DOCK8: variants seen among roughly 807,000 people sequenced by gnomAD.
The protein encoded by DOCK8 is dedicator of cytokinesis protein 8.
A neutral mutation model predicts 245.6 loss-of-function variants in DOCK8; 141 were observed. That is an observed-to-expected ratio of 0.57 (90% CI 0.50 to 0.66). The LOEUF is 0.66. Among genes scored for constraint, DOCK8 ranks in the 30% least tolerant of loss-of-function variants. DOCK8 has a pLI of 0.00. For synonymous variants in DOCK8, 1,168 were observed against 970.2 expected (o/e 1.20, Z -3.79); for missense variants, 2,965 against 2,603.4 (o/e 1.14, Z -3.02).
chr9:449,920 T>C lies in DOCK8; in HGVS notation c.5954T>C (p.Val1985Ala). 6.2e-7 allele frequency: 1 copy of C among 1,613,842 alleles called. No individual in the cohort carries two copies. Among genetic ancestry groups the C allele is most frequent in the Non-Finnish European group, 8.5e-7 (1 of 1,180,014 alleles). The change falls in exon 45 of 48, where the codon GTA becomes GCA. Residue 1985 changes from valine to alanine, a missense_variant. Val to Ala is a moderately conservative substitution (Grantham distance 64). Around this residue, in one of 3 missense-constraint regions of DOCK8, gnomAD observed 6 missense variants for 21.8 expected, o/e 0.28. Coordinates refer to ENST00000432829, the MANE Select transcript of DOCK8 (RefSeq NM_203447.4). ...CTGCAAGGCTCTGTGGGAGCTACTG[T>C]AAATCAGGTAAGCAAAACCAGAGGT... ...MVLQGSVGAT[V>A]NQGPLEVAQV...
At chr9:375,595 A>G (rs984363113) in intron 18 of DOCK8, among the ~76,000 whole-genome samples, 2 of 152,210 alleles carry the variant, frequency 1.3e-5, no homozygotes, top group African/African-American at 4.8e-5. Context: ...AGAATCATCA[A>G]TGCTGGTTTG....
chr9:432,550 G>C (rs1249866015), intron 37 of DOCK8, among the ~76,000 whole-genome samples: 2 of 152,138 alleles, frequency 1.3e-5, no homozygotes, highest in Admixed American at 6.5e-5. Flanking sequence ...GGAGTGCTCA[G>C]TCTCAAAACA....
intron 1 of DOCK8, among the ~76,000 whole-genome samples, chr9:245,227 T>G (rs1194156877): frequency 6.6e-6 from 1 of 152,102 alleles, no homozygotes; most frequent in Non-Finnish European, 1.5e-5. Context: ...TTTTTTGAGA[T>G]GAAGTCTCAC....
intron 24 of DOCK8, among the ~76,000 whole-genome samples, chr9:391,821 CTTTTTTT>C (rs373810616): frequency 0.011 from 1,302 of 116,272 alleles, 31 homozygotes; most frequent in African/African-American, 0.038. Flanking sequence ...TTAAGTGAAT[CTTTTTTT>C]TTTTTTTTTT....
intron 18 of DOCK8, among the ~76,000 whole-genome samples, chr9:373,883 T>C (rs9696488): frequency 0.38 from 57,138 of 151,992 alleles, 13,174 homozygotes; most frequent in African/African-American, 0.65. Context: ...ACCACCTTCT[T>C]ATCATCAAGT....
chr9:393,731 G>T (rs1475495516), intron 24 of DOCK8, among the ~76,000 whole-genome samples: 3 of 152,202 alleles, frequency 2.0e-5, no homozygotes, highest in Non-Finnish European at 2.9e-5. Flanking sequence ...TATTGCAGGG[G>T]TTTGTCAACA....
chr9:303,666 G>A (rs561981616), intron 4 of DOCK8, among the ~76,000 whole-genome samples: 1 of 152,312 alleles, frequency 6.6e-6, no homozygotes, highest in African/African-American at 2.4e-5. Context: ...GCAGGTGTGG[G>A]TTGAAAAACT....
Position 245,033 on chromosome 9 carries a change from A to G in DOCK8, c.54-26594A>G, listed in dbSNP as rs10122726. 5.8e-3 allele frequency among the ~76,000 whole-genome samples: 883 copies of G among 151,946 alleles called. 5 individuals are homozygous for G. Among genetic ancestry groups the G allele is most frequent in the African/African-American group, 0.02 (821 of 41,416 alleles). On this transcript the variant is annotated intron_variant, in intron 1 of 47. Transcript: ENST00000432829. ...CCACTTGTTTTTCCCACATCAGGAG[A>G]GTTTATCATCTGTGCTCATCCACCT...
intron 10 of DOCK8, 37 bp from the exon 11 acceptor site, chr9:334,188 T>TG: frequency 6.2e-7 from 1 of 1,613,644 alleles, no homozygotes; most frequent in Non-Finnish European, 8.5e-7. Context: ...TTGGTGCTGA[T>TG]GCTTGTTTCA....
chr9:230,272 A>G (rs113491695), intron 1 of DOCK8, among the ~76,000 whole-genome samples: 3 of 148,934 alleles, frequency 2.0e-5, no homozygotes, highest in African/African-American at 5.1e-5. Flanking sequence ...CACGGTGTAT[A>G]TGTGCCACAT....
At chr9:375,548 T>C (rs1229157920) in intron 18 of DOCK8, among the ~76,000 whole-genome samples, 1 of 152,182 alleles carries the variant, frequency 6.6e-6, no homozygotes, top group Non-Finnish European at 1.5e-5. Context: ...AATGGGGAAA[T>C]TGCTGGGATC....
intron 2 of DOCK8, among the ~76,000 whole-genome samples, chr9:273,921 G>C (rs2048240079): frequency 6.6e-6 from 1 of 152,068 alleles, no homozygotes; most frequent in African/African-American, 2.4e-5. Context: ...GGTAGGGCTG[G>C]TCTCTAACTC....
intron 1 of DOCK8, among the ~76,000 whole-genome samples, chr9:231,258 T>C (rs2047110104): frequency 6.6e-6 from 1 of 152,200 alleles, no homozygotes; most frequent in African/African-American, 2.4e-5. Flanking sequence ...TCCATTGGTC[T>C]GTATCTCTGT....
At chr9:291,758 T>C (rs576235314) in intron 4 of DOCK8, among the ~76,000 whole-genome samples, 1 of 151,540 alleles carries the variant, frequency 6.6e-6, no homozygotes, top group Non-Finnish European at 1.5e-5. Context: ...ATTTAAAGAT[T>C]TGGAATACTA....
chr9:365,937 A>T (rs942333768), intron 14 of DOCK8: 3 of 267,058 alleles, frequency 1.1e-5, no homozygotes, highest in Non-Finnish European at 2.2e-5. Context: ...TCAGTGGCTC[A>T]GTCTTACCGA....
intron 40 of DOCK8, among the ~76,000 whole-genome samples, 189 bp from the exon 41 acceptor site, chr9:441,097 G>A (rs1564072545): frequency 1.3e-5 from 2 of 152,046 alleles, no homozygotes; most frequent in Admixed American, 1.3e-4. Context: ...TACTTAGCGA[G>A]GTGTCTAGTT....
At chr9:317,593 A>G (rs1176089821) in intron 7 of DOCK8, among the ~76,000 whole-genome samples, 1 of 152,166 alleles carries the variant, frequency 6.6e-6, no homozygotes, top group Admixed American at 6.5e-5. Flanking sequence ...GCACCCGGAG[A>G]TTATTTGTAA....
intron 1 of DOCK8, among the ~76,000 whole-genome samples, chr9:241,326 T>C (rs964422989): frequency 6.6e-6 from 1 of 152,144 alleles, no homozygotes; most frequent in Non-Finnish European, 1.5e-5. Context: ...TAGAACGTAT[T>C]CCTCCTATGT....
intron 26 of DOCK8, among the ~76,000 whole-genome samples, chr9:400,276 ACCACTTCCT>A: frequency 3.8e-5 from 3 of 77,976 alleles, no homozygotes; most frequent in Non-Finnish European, 7.0e-5. Flanking sequence ...CACCATCACC[ACCACTTCCT>A]TCACCACCAC....
Sources: allele counts gnomAD v4.1 joint callset (sites outside exome capture counted in the v4.1 genomes callset), GRCh38; gene constraint gnomAD v4.1.1; regional missense constraint gnomAD v4.1.1; transcripts MANE v1.5; gene names NCBI Gene and HGNC (gene_info 2026-07-23, HGNC 2026-07-21).